Variants in SYNE1 observed in about 807,000 individuals in gnomAD.
SYNE1 encodes the protein nesprin-1.
A neutral mutation model predicts 1,111.0 loss-of-function variants in SYNE1; 616 were observed. That is an observed-to-expected ratio of 0.55 (90% CI 0.52 to 0.59). SYNE1 has a LOEUF of 0.59. Ranked by LOEUF, SYNE1 falls within the 20% of genes least tolerant of loss-of-function variation. SYNE1 has a pLI of 0.00. For synonymous variants in SYNE1, 3,855 were observed against 3,825.8 expected, an observed-to-expected ratio of 1.01 and a Z score of -0.28; for missense variants, 10,006 against 10,417.0, an observed-to-expected ratio of 0.96 and a Z score of 1.72.
At chr6:152,541,730 A>AGAGT (rs1403487237) in intron 3 of SYNE1, among the ~76,000 whole-genome samples, 4 of 142,244 alleles carry the variant, frequency 2.8e-5, no homozygotes, top group African/African-American at 1.1e-4. Context: ...CCTGGGCGTC[A>AGAGT]GAGTGAGACT....
chr6:152,315,736 C>T (rs1047879460), intron 87 of SYNE1: 4 of 152,068 alleles, frequency 2.6e-5, no homozygotes, highest in African/African-American at 9.7e-5. Context: ...TCAGTGGTAA[C>T]TTAAGTCCTG....
rs777648984 is a variant in SYNE1 at position 152,387,111 on chromosome 6, CT to C, written c.8447del (p.Glu2816GlyfsTer2). 1 of 1,614,032 alleles carries C rather than the reference CT, an allele frequency of 6.2e-7. No individual in the cohort carries two copies. The highest frequency in any genetic ancestry group is 1.3e-5 in the African/African-American group (1 of 74,938). ...DESFKDTAQE[E>X]LKTQFNDIMT... is the part of the protein sequence containing the mutation. ...TTATATCATTAAACTGTGTTTTCAG[CT>C]CCTCTTGAGCTGTGTCCTTGAAAGA... On this transcript the variant is annotated frameshift_variant, in exon 54 of 146. Transcript: ENST00000367255. LOFTEE classifies it high-confidence loss of function.
intron 145 of SYNE1, among the ~76,000 whole-genome samples, chr6:152,123,166 AAC>A (rs1237353945): frequency 6.6e-6 from 1 of 152,190 alleles, no homozygotes; most frequent in Non-Finnish European, 1.5e-5. Flanking sequence ...CAAAAATAAA[AAC>A]AGTCTTTGTC....
chr6:152,329,361 A>G (rs892869939), intron 78 of SYNE1, among the ~76,000 whole-genome samples: 3 of 152,186 alleles, frequency 2.0e-5, no homozygotes, highest in Non-Finnish European at 4.4e-5. Context: ...CCCTGTCTCT[A>G]CTAAAAAATA....
chr6:152,215,390 G>A (rs2763032), intron 121 of SYNE1, among the ~76,000 whole-genome samples: 87,361 of 151,604 alleles, frequency 0.58, 25,664 homozygotes, highest in Non-Finnish European at 0.65. Flanking sequence ...TTATTTACAC[G>A]TATTATATTA....
chr6:152,293,873 TGTAAAC>T, intron 94 of SYNE1, 81 bp downstream of exon 94: 1 of 1,609,708 alleles, frequency 6.2e-7, no homozygotes, highest in Non-Finnish European at 8.5e-7. Flanking sequence ...GGACTGGATA[TGTAAAC>T]TCTCTGCATG....
At chr6:152,603,841 C>A (rs7766856) in intron 3 of SYNE1, among the ~76,000 whole-genome samples, 81,702 of 132,890 alleles carry the variant, frequency 0.61, 24,505 homozygotes, top group Non-Finnish European at 0.64. Flanking sequence ...TACTATCTAT[C>A]TATACATATA....
Position 152,455,605 on chromosome 6 carries a change from C to T in SYNE1, c.2728-15G>A, listed in dbSNP as rs535509058. On this transcript the variant is annotated splice_polypyrimidine_tract_variant and intron_variant, in intron 23 of 145. Coordinates refer to ENST00000367255, the MANE Select transcript of SYNE1 (RefSeq NM_182961.4). ...TTTACCATACTCTTGATGTGAAAAA[C>T]AATCATAATGTGATGCTGCTTTCTC... is the stretch of plus-strand genomic sequence containing the variant. 6.2e-7 allele frequency: 1 copy of T among 1,614,052 alleles called. No homozygotes were observed. Among genetic ancestry groups the T allele is most frequent in the Admixed American group, 1.7e-5 (1 of 60,020 alleles).
intron 4 of SYNE1, among the ~76,000 whole-genome samples, chr6:152,538,381 T>C (rs1487450698): frequency 2.6e-5 from 4 of 152,082 alleles, no homozygotes; most frequent in Non-Finnish European, 5.9e-5. Context: ...ATTACATAGT[T>C]CTATCTATTG....
Position 152,208,159 on chromosome 6 carries a change from C to T in SYNE1, c.22637G>A (p.Gly7546Glu). Reference protein sequence around the residue: ...KLTLLSNQWQGVIRRAQQRRG... With the variant: ...KLTLLSNQWQEVIRRAQQRRG... Reference sequence around the variant, plus strand: ...CCTCTGCTGGGCCCTGCGAATCACTCCCTGCCATTGATTACTGAGGAGTGT... The same window carrying T: ...CCTCTGCTGGGCCCTGCGAATCACTTCCTGCCATTGATTACTGAGGAGTGT... The change falls in exon 125 of 146, where the codon GGA (glycine) becomes GAA (glutamate). Residue 7546 changes from glycine (G) to glutamate (E), a missense_variant. By Grantham distance (98) the Gly-to-Glu change is moderately conservative. Transcript: ENST00000367255. 1 of 1,614,102 alleles carries T rather than the reference C, an allele frequency of 6.2e-7. No individual in the cohort carries two copies. The highest frequency in any genetic ancestry group is 8.5e-7 in the Non-Finnish European group (1 of 1,180,012).
At chr6:152,409,281 T>C in intron 43 of SYNE1, 55 bp from the exon 44 acceptor site, 1 of 1,555,500 alleles carries the variant, frequency 6.4e-7, no homozygotes. Context: ...GTCATGAGTT[T>C]AAAACCATTT....
intron 127 of SYNE1, among the ~76,000 whole-genome samples, chr6:152,193,465 A>G (rs547782838): frequency 6.6e-6 from 1 of 152,096 alleles, no homozygotes; most frequent in African/African-American, 2.4e-5. Context: ...CTACAGGCAC[A>G]CGCCACCCCA....
At chr6:152,472,169 G>A (rs1298431526) in intron 15 of SYNE1, 132 bp downstream of exon 15, 1 of 736,396 alleles carries the variant, frequency 1.4e-6, no homozygotes, top group Non-Finnish European at 2.3e-6. Flanking sequence ...ATGTCTTATG[G>A]GAGCCCGCTT....
At position 152,381,283 on chromosome 6, in the gene SYNE1, G is replaced by T; in HGVS notation, c.8732C>A (p.Thr2911Lys). The T allele has an allele frequency of 6.2e-7, 1 of 1,614,224 alleles. No individual in the cohort carries two copies. ...CATGAGCTCACACCCACTGGCAGTTGTGTTCTGTTTCACTTCGGGAGCCAG... is the reference window on the plus strand; with the variant it reads ...CATGAGCTCACACCCACTGGCAGTTTTGTTCTGTTTCACTTCGGGAGCCAG... ...ESLAPEVKQN[T>K]TASGCELMHT... is the part of the protein sequence containing the mutation. Residue 2911 changes from threonine (T) to lysine (K), a missense_variant, in exon 56 of 146, where the codon ACA becomes AAA. Transcript: ENST00000367255.
rs766832593 is a variant in SYNE1, at chr6:152,148,070, G to A, written c.24951C>T (p.Tyr8317=). ...CTGATAAGCCAACAGCTCCCCGGAGGTAGAAATCTTTGTCATCCTGACCTT... is the reference window on the plus strand; with the variant it reads ...CTGATAAGCCAACAGCTCCCCGGAGATAGAAATCTTTGTCATCCTGACCTT... ...DEEGQDDKDF[Y]LRGAVGLSGD... Residue 8317 remains tyrosine, a synonymous_variant, in exon 137 of 146, where the codon TAC becomes TAT. Transcript: ENST00000367255. This position sits in a 1 kb window ranked among gnomAD's most constrained non-coding sequence, Gnocchi z 4.1. 1 of 1,614,130 alleles carries A rather than the reference G, an allele frequency of 6.2e-7. No individual in the cohort carries two copies. The highest frequency in any genetic ancestry group is 1.1e-5 in the South Asian group (1 of 91,082).
At chr6:152,517,689 A>G (rs2099118897) in intron 6 of SYNE1, among the ~76,000 whole-genome samples, 2 of 152,212 alleles carry the variant, frequency 1.3e-5, no homozygotes, top group African/African-American at 4.8e-5. Flanking sequence ...CTGATGTGGG[A>G]TGATTTCCAG....
At chr6:152,371,283 TA>T (rs1273347066) in intron 59 of SYNE1, among the ~76,000 whole-genome samples, 1 of 151,912 alleles carries the variant, frequency 6.6e-6, no homozygotes. Flanking sequence ...GTTCTCATGA[TA>T]GTGAGTTCTC....
intron 78 of SYNE1, among the ~76,000 whole-genome samples, chr6:152,327,119 C>T (rs903609774): frequency 1.3e-5 from 2 of 152,010 alleles, no homozygotes; most frequent in Non-Finnish European, 2.9e-5. Context: ...ATGGTGAAAC[C>T]GTGTCTCTAC....
intron 25 of SYNE1, among the ~76,000 whole-genome samples, chr6:152,452,883 C>T (rs923011815): frequency 5.3e-5 from 8 of 152,212 alleles, no homozygotes; most frequent in Admixed American, 3.3e-4. Context: ...TGCTTTCTCC[C>T]TTCTGTGCTG....
Sources: gnomAD v4.1 joint callset for allele counts (sites outside exome capture counted in the v4.1 genomes callset) on GRCh38, gnomAD v4.1.1 for gene constraint, Gnocchi (gnomAD v3.1) non-coding constraint, MANE v1.5 for transcripts, NCBI Gene and HGNC (gene_info 2026-07-23, HGNC 2026-07-21) for gene names.